HIVEP1: variants seen among roughly 807,000 people sequenced by gnomAD.
HIVEP1 encodes HIVEP zinc finger 1, also known as zinc finger protein 40.
A neutral mutation model predicts 180.0 loss-of-function variants in HIVEP1; 36 were observed. The ratio of observed to expected loss-of-function variants is 0.20; its 90% CI spans 0.15 to 0.26. The LOEUF (loss-of-function observed/expected upper bound fraction) is 0.26, where lower values mean the gene tolerates loss of function less well. Ranked by LOEUF, HIVEP1 falls within the 10% of genes least tolerant of loss-of-function variation. The pLI is 1.00. For synonymous variants in HIVEP1, 1,239 were observed against 1,239.0 expected, an observed-to-expected ratio of 1.00 and a Z score of 0.00; for missense variants, 3,143 against 3,268.7, an observed-to-expected ratio of 0.96 and a Z score of 0.94.
intron 7 of HIVEP1, among the ~76,000 whole-genome samples, chr6:12,145,540 C>T (rs1280667345): frequency 4.0e-5 from 6 of 151,366 alleles, no homozygotes; most frequent in Non-Finnish European, 7.4e-5. Context: ...AAAAGAACGC[C>T]CTCTACCAGA....
downstream of HIVEP1, among the ~76,000 whole-genome samples, chr6:12,167,820 G>A (rs966228861): frequency 4.9e-5 from 7 of 143,974 alleles, no homozygotes; most frequent in African/African-American, 7.6e-5. Flanking sequence ...ATAGATGTGC[G>A]TATATAATAT....
At chr6:12,209,350 G>A in the HIVEP1 span, among the ~76,000 whole-genome samples, 25 of 152,226 alleles carry the variant, frequency 1.6e-4, no homozygotes, top group Admixed American at 1.0e-3. Flanking sequence ...GGAGAATGGC[G>A]TGAACCCGGG....
Position 12,083,161 on chromosome 6 carries a change from T to C in HIVEP1, c.41-6023T>C, listed in dbSNP as rs572380528. ...TATGTCTGTCAAGTGTGTGTGTGTGTTTCTGTACATTTCTACACATTCATC... is the reference window on the plus strand; with the variant it reads ...TATGTCTGTCAAGTGTGTGTGTGTGCTTCTGTACATTTCTACACATTCATC... On this transcript the variant is annotated intron_variant, in intron 2 of 8. Transcript: ENST00000379388. Among the ~76,000 whole-genome samples the C allele has an allele frequency of 2.0e-5, 3 of 152,278 alleles. No individual in the cohort carries two copies. In the South Asian group the frequency reaches 6.2e-4, roughly 32 times the overall value.
intron 2 of HIVEP1, among the ~76,000 whole-genome samples, chr6:12,016,828 T>A (rs537241332): frequency 1.3e-5 from 2 of 152,262 alleles, no homozygotes; most frequent in South Asian, 4.1e-4. Context: ...CTGAACTCCC[T>A]AGAGACTCAC....
At chr6:12,157,781 G>A (rs957151721) in intron 7 of HIVEP1, among the ~76,000 whole-genome samples, 3 of 152,000 alleles carry the variant, frequency 2.0e-5, no homozygotes, top group South Asian at 2.1e-4. Flanking sequence ...AGGAACTTCC[G>A]TTTAACATTT....
At chr6:12,021,426 T>A (rs994681562) in intron 2 of HIVEP1, among the ~76,000 whole-genome samples, 2 of 152,204 alleles carry the variant, frequency 1.3e-5, no homozygotes, top group African/African-American at 4.8e-5. Flanking sequence ...ATGGGAGATG[T>A]CTCTGCTAAA....
At chr6:12,205,379 G>A in the HIVEP1 span, among the ~76,000 whole-genome samples, 1 of 152,020 alleles carries the variant, frequency 6.6e-6, no homozygotes, top group African/African-American at 2.4e-5. Context: ...GCTGAAGCAG[G>A]AGAACGGCGT....
In HIVEP1 at chr6:12,120,185, C is replaced by T; in HGVS notation, c.390C>T (p.Ser130=). 1 of 1,614,138 alleles carries T rather than the reference C, an allele frequency of 6.2e-7. No homozygotes were observed. Among genetic ancestry groups the T allele is most frequent in the Non-Finnish European group, 8.5e-7 (1 of 1,180,026 alleles). Residue 130 remains serine (S), a synonymous_variant, in exon 4 of 9, where the codon TCC becomes TCT. Transcript: ENST00000379388. ...AEASKSEESV[S]PKKPLFLQQP... ...CCTCAAAATCTGAAGAATCTGTCTC[C>T]CCAAAGAAGCCCTTGTTTCTGCAGC...
intron 3 of HIVEP1, among the ~76,000 whole-genome samples, chr6:12,110,581 T>G (rs1424861579): frequency 3.3e-5 from 5 of 152,238 alleles, no homozygotes; most frequent in Non-Finnish European, 7.3e-5. Flanking sequence ...CCTCACTTGT[T>G]TCAGCCTTCA....
At position 12,125,397 on chromosome 6, in the gene HIVEP1, A is replaced by G; in HGVS notation, c.5602A>G (p.Thr1868Ala). 6.2e-7 allele frequency: 1 copy of G among 1,613,920 alleles called. No homozygotes were observed. Among genetic ancestry groups the G allele is most frequent in the Non-Finnish European group, 8.5e-7 (1 of 1,179,916 alleles). Residue 1868 changes from threonine (T) to alanine (A), a missense_variant, in exon 4 of 9, where the codon ACT becomes GCT. By Grantham distance (58) the Thr-to-Ala change is moderately conservative. This residue lies in a region of HIVEP1 where 1,357 missense variants were observed against 1,260.5 expected (regional missense o/e 1.08). Coordinates refer to ENST00000379388, the MANE Select transcript of HIVEP1 (RefSeq NM_002114.4). ...AAACATCAAGTCATCCACATCATTA[A>G]CTCTTACAGTTCGAAGTTCACCTGC... ...FENIKSSTSL[T>A]LTVRSSPAPS...
At chr6:12,190,734 A>C in the HIVEP1 span, among the ~76,000 whole-genome samples, 1 of 152,222 alleles carries the variant, frequency 6.6e-6, no homozygotes, top group South Asian at 2.1e-4. Flanking sequence ...ACCCCTCCCC[A>C]GGATGGTAAA....
intron 7 of HIVEP1, among the ~76,000 whole-genome samples, chr6:12,139,343 A>G (rs1758875492): frequency 6.6e-6 from 1 of 152,176 alleles, no homozygotes; most frequent in African/African-American, 2.4e-5. Flanking sequence ...TCCTCTGTTA[A>G]GAATGCCCTC....
At chr6:12,103,163 A>G (rs972031914) in intron 3 of HIVEP1, among the ~76,000 whole-genome samples, 2 of 146,436 alleles carry the variant, frequency 1.4e-5, no homozygotes, top group African/African-American at 5.1e-5. Context: ...TGCAATTGCA[A>G]CCAGCGATGG....
chr6:12,051,024 ATATATATG>A (rs1364981865), intron 2 of HIVEP1, among the ~76,000 whole-genome samples: 31 of 140,486 alleles, frequency 2.2e-4, no homozygotes, highest in African/African-American at 7.2e-4. Flanking sequence ...ATATATATAT[ATATATATG>A]TATATTAAAA....
the HIVEP1 span, among the ~76,000 whole-genome samples, chr6:12,192,465 C>G: frequency 6.6e-6 from 1 of 152,042 alleles, no homozygotes; most frequent in Non-Finnish European, 1.5e-5. Flanking sequence ...GTGTCCTCAC[C>G]CAAATCTCAT....
chr6:12,124,468 C>T lies in HIVEP1; in HGVS notation c.4673C>T (p.Pro1558Leu). The change falls in exon 4 of 9, where the codon CCC becomes CTC. Residue 1558 changes from proline (P) to leucine (L), a missense_variant. Around this residue, in one of 12 missense-constraint regions of HIVEP1, gnomAD observed 1,357 missense variants for 1,260.5 expected, o/e 1.08. Transcript: ENST00000379388. ...GSSKSEDCFA[P>L]KYQLHCQVFT... ...TCTAAAAGTGAGGATTGCTTTGCTC[C>T]CAAATACCAATTGCATTGTCAGGTT... 6.2e-7 allele frequency: 1 copy of T among 1,614,138 alleles called. No homozygotes were observed. The highest frequency in any genetic ancestry group is 2.2e-5 in the East Asian group (1 of 44,890).
intron 2 of HIVEP1, among the ~76,000 whole-genome samples, chr6:12,047,371 G>A (rs16872212): frequency 0.011 from 1,668 of 152,338 alleles, 32 homozygotes; most frequent in African/African-American, 0.038. Flanking sequence ...TTTTGTCAGT[G>A]TCTTCACAGA....
chr6:12,053,084 G>A (rs1770640507), intron 2 of HIVEP1, among the ~76,000 whole-genome samples: 1 of 152,156 alleles, frequency 6.6e-6, no homozygotes, highest in Admixed American at 6.5e-5. Context: ...TTCAAGATCG[G>A]AAGACTTTCT....
At chr6:12,158,448 T>G (rs544909369) in intron 7 of HIVEP1, among the ~76,000 whole-genome samples, 1 of 152,338 alleles carries the variant, frequency 6.6e-6, no homozygotes, top group Admixed American at 6.5e-5. Flanking sequence ...TTTTGCACTA[T>G]GCCTCAGAAA....
Sources: gnomAD v4.1 joint callset for allele counts (sites outside exome capture counted in the v4.1 genomes callset) on GRCh38, gnomAD v4.1.1 for gene constraint, gnomAD v4.1.1 regional missense constraint, MANE v1.5 for transcripts, NCBI Gene and HGNC (gene_info 2026-07-23, HGNC 2026-07-21) for gene names.